Variants in PRELID2 observed in about 807,000 individuals in gnomAD.
PRELID2 encodes the protein PRELI domain-containing protein 2.
In PRELID2, 25 loss-of-function variants were observed where a neutral mutation model predicts 28.4. That is an observed-to-expected ratio of 0.88 (90% CI 0.64 to 1.23). The LOEUF is 1.23. Among genes scored for constraint, PRELID2 ranks in the 50% most tolerant of loss-of-function variants. PRELID2 has a pLI of 0.00. For missense variants in PRELID2, 201 were observed against 214.4 expected (o/e 0.94, Z 0.39); for synonymous variants, 76 against 71.6 (o/e 1.06, Z -0.31).
At chr5:145,604,116 T>G (rs1219531732) in intron 1 of PRELID2, among the ~76,000 whole-genome samples, 1 of 152,060 alleles carries the variant, frequency 6.6e-6, no homozygotes, top group African/African-American at 2.4e-5. Context: ...AACTTTTAGG[T>G]TCAGGGGTAC....
intron 1 of PRELID2, among the ~76,000 whole-genome samples, chr5:145,584,235 T>C (rs1753132928): frequency 6.6e-6 from 1 of 152,064 alleles, no homozygotes; most frequent in Non-Finnish European, 1.5e-5. Context: ...TGGCTAACCA[T>C]ATGCAGAAAA....
intron 1 of PRELID2, among the ~76,000 whole-genome samples, chr5:145,673,430 TAGAC>T (rs1337947519): frequency 6.6e-6 from 1 of 151,744 alleles, no homozygotes; most frequent in African/African-American, 2.4e-5. Context: ...GGGTAACCAT[TAGAC>T]AGAGCATCCA....
At chr5:145,379,426 T>A in the PRELID2 span, among the ~76,000 whole-genome samples, 4 of 152,132 alleles carry the variant, frequency 2.6e-5, no homozygotes, top group Non-Finnish European at 5.9e-5. Context: ...ATTATGTGCA[T>A]GGTTGTACTG....
At chr5:145,703,160 A>G (rs540182990) in intron 1 of PRELID2, among the ~76,000 whole-genome samples, 2 of 152,324 alleles carry the variant, frequency 1.3e-5, no homozygotes, top group African/African-American at 4.8e-5. Flanking sequence ...TACCAAGCAA[A>G]CACAATCTAT....
At chr5:145,305,667 C>A in the PRELID2 span, among the ~76,000 whole-genome samples, 5 of 151,224 alleles carry the variant, frequency 3.3e-5, no homozygotes, top group Non-Finnish European at 7.4e-5. Flanking sequence ...GGTCCCTGAC[C>A]TGGGTCCTGT....
chr5:145,579,755 G>T (rs935845205), intron 1 of PRELID2, among the ~76,000 whole-genome samples: 3 of 152,020 alleles, frequency 2.0e-5, no homozygotes, highest in African/African-American at 7.2e-5. Flanking sequence ...CAAGTTTTGT[G>T]ATACTTGACA....
At chr5:145,530,121 C>T (rs777759027) in intron 1 of PRELID2, among the ~76,000 whole-genome samples, 8 of 152,006 alleles carry the variant, frequency 5.3e-5, no homozygotes, top group Non-Finnish European at 8.8e-5. Context: ...CGGGGCTTGC[C>T]GCAGATCATA....
chr5:145,551,353 A>G (rs1244312804), intron 1 of PRELID2, among the ~76,000 whole-genome samples: 9 of 152,072 alleles, frequency 5.9e-5, no homozygotes, highest in Non-Finnish European at 1.0e-4. Context: ...GTGAGCCGAG[A>G]TTGTGCCACT....
At chr5:145,435,451 G>C in the PRELID2 span, among the ~76,000 whole-genome samples, 1 of 152,290 alleles carries the variant, frequency 6.6e-6, no homozygotes, top group East Asian at 1.9e-4. Flanking sequence ...GCCCAAGGGA[G>C]TGATGGGGAG....
intron 1 of PRELID2, among the ~76,000 whole-genome samples, chr5:145,741,930 T>G (rs1181175867): frequency 3.8e-5 from 2 of 52,950 alleles, no homozygotes; most frequent in Admixed American, 5.5e-4. Context: ...ACAAATAAAT[T>G]TATTATAAAT....
At chr5:145,683,997 C>G (rs961736644) in intron 1 of PRELID2, among the ~76,000 whole-genome samples, 1 of 152,110 alleles carries the variant, frequency 6.6e-6, no homozygotes, top group Non-Finnish European at 1.5e-5. Flanking sequence ...GGGGAGATTC[C>G]AGGAAGCAAA....
chr5:145,317,532 T>C, the PRELID2 span, among the ~76,000 whole-genome samples: 1 of 152,156 alleles, frequency 6.6e-6, no homozygotes, highest in African/African-American at 2.4e-5. Context: ...ACCCTTGAAA[T>C]CTTTGTTTAC....
At chr5:145,742,137 AATAAATTTATTTAT>A (rs1756830039) in intron 1 of PRELID2, among the ~76,000 whole-genome samples, 1 of 5,562 alleles carries the variant, frequency 1.8e-4, no homozygotes, top group African/African-American at 3.1e-4. Context: ...ATTATAAATA[AATAAATTTATTTAT>A]TTATTATAAA....
chr5:145,291,817 G>T, the PRELID2 span, among the ~76,000 whole-genome samples: 2 of 151,934 alleles, frequency 1.3e-5, no homozygotes, highest in African/African-American at 2.4e-5. Context: ...TATAAATTCG[G>T]TGTCTTGGAA....
chr5:145,652,052 T>A lies in PRELID2; in HGVS notation n.70+112879A>T, dbSNP rs1189460846. Among the ~76,000 whole-genome samples, 3 of 151,926 alleles carry A rather than the reference T, an allele frequency of 2.0e-5. No homozygotes were observed. The East Asian group carries it at 5.8e-4, about 29-fold the overall frequency. On this transcript the variant is annotated intron_variant and non_coding_transcript_variant, in intron 1 of 2. Coordinates refer to the PRELID2 transcript ENST00000510259. ...AACCAAAATAACCAGTGTAGAGAAG[T>A]CCTTAAAAGACCTGATGGAGCTGAA...
chr5:145,753,322 C>T (rs1392266606), downstream of PRELID2, among the ~76,000 whole-genome samples: 1 of 152,202 alleles, frequency 6.6e-6, no homozygotes, highest in Non-Finnish European at 1.5e-5. Flanking sequence ...TCAAGACAAT[C>T]AAGTGTCTGG....
chr5:145,520,466 C>G (rs1752554598), intron 1 of PRELID2, among the ~76,000 whole-genome samples: 1 of 152,280 alleles, frequency 6.6e-6, no homozygotes, highest in Non-Finnish European at 1.5e-5. Context: ...CACACACAAG[C>G]CTTCTTCAGT....
At chr5:145,294,964 A>G in the PRELID2 span, among the ~76,000 whole-genome samples, 1 of 152,158 alleles carries the variant, frequency 6.6e-6, no homozygotes, top group Non-Finnish European at 1.5e-5. Context: ...AGAGCAAAAA[A>G]CACATCAGAG....
intron 4 of PRELID2, 58 bp from the exon 5 acceptor site, chr5:145,796,605 G>T: frequency 9.6e-7 from 1 of 1,041,120 alleles, no homozygotes; most frequent in South Asian, 1.6e-5. Context: ...ATATGTAAAC[G>T]ACAGACATTT....
Sources: allele counts gnomAD v4.1 joint callset (sites outside exome capture counted in the v4.1 genomes callset), GRCh38; gene constraint gnomAD v4.1.1; transcripts MANE v1.5; gene names NCBI Gene and HGNC (gene_info 2026-07-23, HGNC 2026-07-21).